The following VPS41 variants were observed in gnomAD, a reference collection of about 807,000 sequenced individuals.
VPS41 encodes VPS41 subunit of HOPS complex.
A neutral mutation model predicts 130.9 loss-of-function variants in VPS41; 85 were observed. The ratio of observed to expected loss-of-function variants is 0.65; its 90% CI spans 0.55 to 0.78. VPS41 has a LOEUF of 0.78. VPS41 is among the 30% of genes least tolerant of loss of function. VPS41 has a pLI of 0.00. For missense variants in VPS41, 874 were observed against 1,018.7 expected (o/e 0.86, Z 1.93); for synonymous variants, 335 against 332.9 (o/e 1.01, Z -0.07).
intron 1 of VPS41, among the ~76,000 whole-genome samples, chr7:38,904,140 A>G (rs1003386793): frequency 6.6e-6 from 1 of 152,202 alleles, no homozygotes; most frequent in African/African-American, 2.4e-5. Flanking sequence ...CCAGGCATCA[A>G]GAAGAAACAA....
intron 17 of VPS41, among the ~76,000 whole-genome samples, chr7:38,759,373 G>A (rs777965821): frequency 1.1e-4 from 17 of 152,190 alleles, no homozygotes; most frequent in Non-Finnish European, 2.4e-4. Context: ...TATAGCATGA[G>A]AAACTGAGTT....
rs2115557916 is a variant in VPS41 at position 38,726,927 on chromosome 7, G to A, written c.2466C>T (p.Cys822=). The change falls in exon 28 of 29, where the codon TGC becomes TGT. Residue 822 remains cysteine (C), a synonymous_variant. Transcript: ENST00000310301. ...AACTCACCATGCTGGGCATGGGCAG[G>A]CACTCCTTGTGGAACATGTGCCGGC... ...FHCRHMFHKE[C]LPMPSMNSAA... The A allele has an allele frequency of 1.3e-6, 2 of 1,584,424 alleles. No homozygotes were observed. Among genetic ancestry groups the A allele is most frequent in the East Asian group, 2.4e-5 (1 of 42,530 alleles).
intron 7 of VPS41, among the ~76,000 whole-genome samples, chr7:38,816,699 T>A (rs1785055580): frequency 6.6e-6 from 1 of 152,226 alleles, no homozygotes; most frequent in Non-Finnish European, 1.5e-5. Context: ...ATTTACTACA[T>A]CTATAAACAG....
At chr7:38,728,475 C>T in intron 27 of VPS41, 67 bp downstream of exon 27, 6 of 1,577,836 alleles carry the variant, frequency 3.8e-6, no homozygotes, top group Non-Finnish European at 5.2e-6. Context: ...TTGGCTAATT[C>T]CAAAATTTTG....
intron 8 of VPS41, 76 bp from the exon 9 acceptor site, chr7:38,795,687 C>T (rs1176132783): frequency 4.6e-6 from 6 of 1,316,458 alleles, no homozygotes; most frequent in Non-Finnish European, 6.3e-6. Context: ...GCCCCTGCTA[C>T]ATACTACCAA....
intron 25 of VPS41, among the ~76,000 whole-genome samples, chr7:38,729,998 C>T (rs960278473): frequency 5.9e-5 from 9 of 152,168 alleles, no homozygotes; most frequent in African/African-American, 1.7e-4. Context: ...GACAGAGACG[C>T]TCTGGGGCTG....
At chr7:38,835,799 T>C (rs1201211040) in intron 4 of VPS41, among the ~76,000 whole-genome samples, 1 of 151,810 alleles carries the variant, frequency 6.6e-6, no homozygotes, top group Admixed American at 6.6e-5. Flanking sequence ...CATTTATCCT[T>C]GAATTTCAAA....
At chr7:38,889,377 C>A (rs1398530820) in intron 2 of VPS41, among the ~76,000 whole-genome samples, 3 of 141,884 alleles carry the variant, frequency 2.1e-5, no homozygotes, top group South Asian at 2.3e-4. Flanking sequence ...AAAAAAAAAT[C>A]TTGAAAACAG....
At chr7:38,843,640 C>T (rs1417812050) in intron 4 of VPS41, among the ~76,000 whole-genome samples, 5 of 151,828 alleles carry the variant, frequency 3.3e-5, no homozygotes, top group Non-Finnish European at 7.4e-5. Flanking sequence ...CGAGATAGCA[C>T]CACTGCAGTC....
intron 5 of VPS41, among the ~76,000 whole-genome samples, chr7:38,821,584 C>T (rs201262970): frequency 1.3e-5 from 2 of 151,704 alleles, no homozygotes; most frequent in East Asian, 3.9e-4. Flanking sequence ...TGGCGTGCAT[C>T]TGTAGTCCCA....
chr7:38,739,051 A>C (rs1030330241), intron 25 of VPS41, among the ~76,000 whole-genome samples: 1 of 152,242 alleles, frequency 6.6e-6, no homozygotes. Flanking sequence ...CTGGCTAATG[A>C]ATGATCTCCC....
chr7:38,757,977 G>A (rs1418960139), intron 18 of VPS41, among the ~76,000 whole-genome samples: 1 of 152,118 alleles, frequency 6.6e-6, no homozygotes, highest in Non-Finnish European at 1.5e-5. Flanking sequence ...TTTCCCATAA[G>A]GAATTGACAT....
rs915493591 is a variant in VPS41, at chr7:38,847,100, T to C, written c.246+15445A>G. On this transcript the variant is annotated intron_variant, in intron 4 of 28. Coordinates refer to ENST00000310301, the MANE Select transcript of VPS41 (RefSeq NM_014396.4). The stretch of plus-strand genomic sequence containing the variant: ...AGCTGTCAAATAATCAAAAGGGCTG[T>C]CCCACTGGCAGGACTTGGCTGGGAA... 3.9e-5 allele frequency among the ~76,000 whole-genome samples: 6 copies of C among 152,190 alleles called. No individual in the cohort carries two copies. In the South Asian group the frequency reaches 6.2e-4, roughly 16 times the overall value.
At chr7:38,786,799 G>A (rs1784446404) in intron 10 of VPS41, among the ~76,000 whole-genome samples, 1 of 152,036 alleles carries the variant, frequency 6.6e-6, no homozygotes, top group Non-Finnish European at 1.5e-5. Context: ...CTCAGACTAA[G>A]AGATGAAACC....
At chr7:38,842,785 T>C (rs944032137) in intron 4 of VPS41, among the ~76,000 whole-genome samples, 7 of 152,332 alleles carry the variant, frequency 4.6e-5, no homozygotes, top group African/African-American at 1.7e-4. Context: ...GGAAGGCCCC[T>C]AACTTCCTTT....
Position 38,812,719 on chromosome 7 carries a change from AG to A in VPS41, c.450+5097del, listed in dbSNP as rs201586545. On this transcript the variant is annotated intron_variant, in intron 7 of 28. Coordinates refer to ENST00000310301, the MANE Select transcript of VPS41 (RefSeq NM_014396.4). ...AATTAAAAAAACCCAATTAAAAAAT[AG>A]GCGAAGAATCTGAATAAACATTTCT... Among the ~76,000 whole-genome samples the A allele has an allele frequency of 5.6e-3, 851 of 152,304 alleles. 11 individuals carry two copies. The highest frequency in any genetic ancestry group is 0.019 in the African/African-American group (807 of 41,588).
chr7:38,729,410 T>TGG (rs1227152915), intron 25 of VPS41, among the ~76,000 whole-genome samples: 2 of 150,436 alleles, frequency 1.3e-5, no homozygotes, highest in Non-Finnish European at 3.0e-5. Flanking sequence ...GCTATGAATG[T>TGG]GGTGTGTGTG....
Position 38,726,314 on chromosome 7 carries a change from G to A in VPS41, c.2497C>T (p.Gln833Ter). Residue 833 changes from glutamine to a stop codon, truncating the protein, a stop_gained, in exon 29 of 29, where the codon CAG becomes TAG. Coordinates refer to ENST00000310301, the MANE Select transcript of VPS41 (RefSeq NM_014396.4). LOFTEE classifies it high-confidence loss of function. ...LPMPSMNSAA[Q>*]FCNICSAKNR... is the part of the protein sequence containing the mutation. ...TTAGCACTGCAGATGTTGCAGAACTGTGCAGCAGAGTTCTAAAAATGCAAT... is the reference window on the plus strand; with the variant it reads ...TTAGCACTGCAGATGTTGCAGAACTATGCAGCAGAGTTCTAAAAATGCAAT... 1 of 1,606,836 alleles carries A rather than the reference G, an allele frequency of 6.2e-7. No homozygotes were observed. The highest frequency in any genetic ancestry group is 8.5e-7 in the Non-Finnish European group (1 of 1,175,146).
At chr7:38,774,336 CT>C (rs1366168170) in intron 11 of VPS41, 92 bp from the exon 12 acceptor site, 4 of 1,195,056 alleles carry the variant, frequency 3.3e-6, no homozygotes, top group Non-Finnish European at 3.3e-6. Flanking sequence ...TTAGTTTCTT[CT>C]CACACTCCTA....
Sources: gnomAD v4.1 joint callset for allele counts (sites outside exome capture counted in the v4.1 genomes callset) on GRCh38, gnomAD v4.1.1 for gene constraint, MANE v1.5 for transcripts, NCBI Gene and HGNC (gene_info 2026-07-23, HGNC 2026-07-21) for gene names.